WNK2: variants seen among roughly 807,000 people sequenced by gnomAD.
WNK2 encodes WNK lysine deficient protein kinase 2, also known as serine/threonine-protein kinase WNK2.
In WNK2, 67 loss-of-function variants were observed where a neutral mutation model predicts 192.1. The observed-to-expected ratio is 0.35, with a 90% CI of 0.29 to 0.43. The LOEUF is 0.43. WNK2 is among the 20% of genes least tolerant of loss of function. The pLI is 1.00. For synonymous variants in WNK2, 1,439 were observed against 1,393.9 expected (o/e 1.03, Z -0.72); for missense variants, 2,698 against 3,089.7 (o/e 0.87, Z 3.01).
rs1489595537 is a variant in WNK2, at chr9:93,257,979, A to G, written c.2382+840A>G. On this transcript the variant is annotated intron_variant, in intron 11 of 29. Transcript: ENST00000427277. This position sits in a 1 kb window ranked among gnomAD's most constrained non-coding sequence, Gnocchi z 4.7. ...TAAGACTGGAAGTGTGCTTCACTCT[A>G]AAGATGGGGCAAGTGAGTGTTCCTG... Among the ~76,000 whole-genome samples, 1 of 152,190 alleles carries G rather than the reference A, an allele frequency of 6.6e-6. No homozygotes were observed. The highest frequency in any genetic ancestry group is 1.5e-5 in the Non-Finnish European group (1 of 68,028).
Position 93,259,202 on chromosome 9 carries a change from C to A in WNK2, c.2654C>A (p.Pro885His). ...GTGCCAAATGCACCGGCCACTATCC[C>A]CCTGCTGGCCGTAGCCCCACCGGGC... is the stretch of plus-strand genomic sequence containing the variant. ...TIVPNAPATIPLLAVAPPGVA... is the reference protein window; with the variant it reads ...TIVPNAPATIHLLAVAPPGVA... The change falls in exon 12 of 30, where the codon CCC becomes CAC. Residue 885 changes from proline to histidine, a missense_variant. By Grantham distance (77) the Pro-to-His change is moderately conservative. Coordinates refer to ENST00000427277, the MANE Select transcript of WNK2 (RefSeq NM_006648.4). The surrounding 1 kb of genome is among the most constrained non-coding windows in gnomAD (Gnocchi z 4.8). The A allele has an allele frequency of 6.2e-7, 1 of 1,613,090 alleles. No homozygotes were observed. Among genetic ancestry groups the A allele is most frequent in the Non-Finnish European group, 8.5e-7 (1 of 1,179,756 alleles).
chr9:93,308,087 G>A, intron 27 of WNK2: 1 of 715,972 alleles, frequency 1.4e-6, no homozygotes, highest in Non-Finnish European at 2.2e-6. Context: ...GCAGAGTCCT[G>A]TCCCCTGGCC....
intron 19 of WNK2, among the ~76,000 whole-genome samples, chr9:93,274,515 C>CAAAAAAAAAAAAAAAAAAA (rs67350876): frequency 1.2e-4 from 14 of 118,390 alleles, no homozygotes; most frequent in African/African-American, 4.4e-4. Context: ...CCGTCTCAAC[C>CAAAAAAAAAAAAAAAAAAA]AAAAAAAAAA....
At chr9:93,313,342 T>G (rs1854007055) in intron 28 of WNK2, among the ~76,000 whole-genome samples, 1 of 152,134 alleles carries the variant, frequency 6.6e-6, no homozygotes, top group Admixed American at 6.5e-5. Flanking sequence ...AGTTTTTAAT[T>G]TGGGTTATTG....
chr9:93,273,025 A>G (rs1016752362), intron 19 of WNK2, among the ~76,000 whole-genome samples: 2 of 152,224 alleles, frequency 1.3e-5, no homozygotes, highest in African/African-American at 4.8e-5. Context: ...GGTCAAAAGA[A>G]AAAGGATGGT....
Position 93,282,677 on chromosome 9 carries a change from C to T in WNK2, c.4034-6111C>T, listed in dbSNP as rs138118961. Among the ~76,000 whole-genome samples the T allele has an allele frequency of 8.5e-5, 13 of 152,062 alleles. No individual in the cohort carries two copies. The East Asian group carries it at 2.5e-3, about 29-fold the overall frequency. On this transcript the variant is annotated intron_variant, in intron 19 of 29. Coordinates refer to ENST00000427277, the MANE Select transcript of WNK2 (RefSeq NM_006648.4). ...GTTTGCTTATATTTAGTAATAAGCC[C>T]TCAAAATGCATAAAATAAAAATTAA...
In WNK2 at chr9:93,238,283, G is replaced by A. The variant is rs760332820; in HGVS notation, c.1284G>A (p.Glu428=). ...AAGTGCACGATCCTGAAATCAAGGA[G>A]ATTATTGGGGAGTGTATCTGCAAAA... The part of the protein sequence containing the change: ...FEKVHDPEIK[E]IIGECICKNK... The change falls in exon 6 of 30, where the codon GAG becomes GAA. Residue 428 remains glutamate (E), a synonymous_variant. Transcript: ENST00000427277. 15 of 1,614,062 alleles carry A rather than the reference G, an allele frequency of 9.3e-6. No individual in the cohort carries two copies. Among genetic ancestry groups the A allele is most frequent in the Non-Finnish European group, 1.0e-5 (12 of 1,179,898 alleles).
intron 2 of WNK2, among the ~76,000 whole-genome samples, chr9:93,221,810 C>T (rs1020967952): frequency 3.3e-5 from 5 of 152,072 alleles, no homozygotes; most frequent in African/African-American, 1.2e-4. Flanking sequence ...TGTCCATCAC[C>T]TCCGTGGGAA....
Position 93,184,230 on chromosome 9 carries a change from C to T in WNK2, c.-158C>T, listed in dbSNP as rs1054151317. Among the ~76,000 whole-genome samples, 2 of 150,648 alleles carry T rather than the reference C, an allele frequency of 1.3e-5. No individual in the cohort carries two copies. The highest frequency in any genetic ancestry group is 4.9e-5 in the African/African-American group (2 of 41,220). ...GAGCGCGGCCCCGCAGTGGCCCGGC[C>T]CGAGAGAGCAGCGCGCAGGAGCTGG... On this transcript the variant is annotated 5_prime_UTR_variant, in exon 1 of 30. Coordinates refer to ENST00000427277, the MANE Select transcript of WNK2 (RefSeq NM_006648.4).
intron 5 of WNK2, among the ~76,000 whole-genome samples, chr9:93,237,578 T>C (rs1840040973): frequency 1.3e-5 from 2 of 152,256 alleles, no homozygotes; most frequent in Non-Finnish European, 1.5e-5. Context: ...CCTGCTTGCC[T>C]ACAAGTTGCA....
chr9:93,293,200 C>T (rs1389644096), intron 23 of WNK2, 27 bp downstream of exon 23: 11 of 1,424,684 alleles, frequency 7.7e-6, no homozygotes, highest in Non-Finnish European at 1.0e-5. Context: ...GGAAGTGTTG[C>T]CCCCGCCCCT....
intron 2 of WNK2, among the ~76,000 whole-genome samples, chr9:93,196,928 G>T (rs1465140785): frequency 6.6e-6 from 1 of 152,084 alleles, no homozygotes; most frequent in African/African-American, 2.4e-5. Flanking sequence ...ACACATGCCC[G>T]CTGCATCTGC....
At chr9:93,243,957 T>G (rs1253266285) in intron 7 of WNK2, among the ~76,000 whole-genome samples, 1 of 152,222 alleles carries the variant, frequency 6.6e-6, no homozygotes, top group Non-Finnish European at 1.5e-5. Flanking sequence ...TTAGGCCGGG[T>G]GCAGTCACTC....
rs187160123 is a variant in WNK2 at position 93,251,359 on chromosome 9, T to C, written c.1835-1524T>C. Among the ~76,000 whole-genome samples the C allele has an allele frequency of 7.3e-3, 1,111 of 151,800 alleles. 12 individuals are homozygous for C. Among genetic ancestry groups the C allele is most frequent in the African/African-American group, 0.025 (1,045 of 41,424 alleles). On this transcript the variant is annotated intron_variant, in intron 8 of 29. Coordinates refer to ENST00000427277, the MANE Select transcript of WNK2 (RefSeq NM_006648.4). ...GTCTCAAACCCCTGACCTCGTGATC[T>C]GCCTGCCTCAGCCTCCCAAAATGCT...
At chr9:93,292,251 C>T in intron 21 of WNK2, 57 bp from the exon 22 acceptor site, 1 of 1,587,326 alleles carries the variant, frequency 6.3e-7, no homozygotes, top group Non-Finnish European at 8.6e-7. Context: ...CAGCTGTGAG[C>T]CATCTCTGCC....
chr9:93,243,414 G>A (rs1317402999), intron 7 of WNK2, among the ~76,000 whole-genome samples: 1 of 152,216 alleles, frequency 6.6e-6, no homozygotes, highest in Non-Finnish European at 1.5e-5. Context: ...CTCTGCGGCT[G>A]TGTTCCTGCA....
chr9:93,213,062 G>T (rs543611493), intron 2 of WNK2, among the ~76,000 whole-genome samples: 23 of 36,042 alleles, frequency 6.4e-4, no homozygotes, highest in African/African-American at 1.1e-3. Context: ...CCTACTTCCA[G>T]GGAGGGGGCA....
At chr9:93,261,400 A>T (rs1321250084) in intron 12 of WNK2, among the ~76,000 whole-genome samples, 4 of 152,184 alleles carry the variant, frequency 2.6e-5, no homozygotes, top group Non-Finnish European at 1.5e-5. Context: ...GCCCTCCAGG[A>T]GGCGGCAGGT....
At chr9:93,200,023 G>A (rs896558893) in intron 2 of WNK2, among the ~76,000 whole-genome samples, 2 of 152,146 alleles carry the variant, frequency 1.3e-5, no homozygotes, top group African/African-American at 4.8e-5. Flanking sequence ...AGGAGGGCAA[G>A]TGGCAGGCCA....
Sources: allele counts gnomAD v4.1 joint callset (sites outside exome capture counted in the v4.1 genomes callset), GRCh38; gene constraint gnomAD v4.1.1; non-coding constraint Gnocchi (gnomAD v3.1); transcripts MANE v1.5; gene names NCBI Gene and HGNC (gene_info 2026-07-23, HGNC 2026-07-21).